Variants in PPP2R3C observed in about 807,000 individuals in gnomAD.
PPP2R3C encodes protein phosphatase 2 regulatory subunit B''gamma, also known as serine/threonine-protein phosphatase 2A regulatory subunit B'' subunit gamma.
In PPP2R3C, 47 loss-of-function variants were observed where a neutral mutation model predicts 63.7. The observed-to-expected ratio is 0.74, with a 90% CI of 0.58 to 0.94. The LOEUF is 0.94. Among genes scored for constraint, PPP2R3C ranks in the 40% least tolerant of loss-of-function variants. The pLI is 0.00. For synonymous variants in PPP2R3C, 180 were observed against 177.4 expected (o/e 1.01, Z -0.12); for missense variants, 421 against 518.4 (o/e 0.81, Z 1.82).
chr14:35,089,842 AT>A (rs967709098), intron 11 of PPP2R3C, among the ~76,000 whole-genome samples: 2 of 78,116 alleles, frequency 2.6e-5, no homozygotes, highest in African/African-American at 1.0e-4. Flanking sequence ...ATTTTTTTGC[AT>A]TTTTAGTAGA....
At chr14:35,099,410 T>C (rs777872422) in intron 6 of PPP2R3C, 26 bp from the exon 7 acceptor site, 1 of 1,583,408 alleles carries the variant, frequency 6.3e-7, no homozygotes, top group Non-Finnish European at 8.5e-7. Flanking sequence ...AATAAAGTGT[T>C]AAATGTCCAG....
At chr14:35,099,498 C>T in intron 6 of PPP2R3C, 114 bp from the exon 7 acceptor site, 1 of 1,252,060 alleles carries the variant, frequency 8.0e-7, no homozygotes, top group Non-Finnish European at 1.1e-6. Context: ...GAAATAAATG[C>T]ATGACTATTT....
chr14:35,087,234 TGTA>T (rs2045634882), intron 12 of PPP2R3C: 1 of 152,176 alleles, frequency 6.6e-6, no homozygotes, highest in Non-Finnish European at 1.5e-5. Context: ...CTAATCTTTT[TGTA>T]GTAAAATAAC....
At chr14:35,110,375 G>T in intron 3 of PPP2R3C, 150 bp downstream of exon 3, 1 of 564,056 alleles carries the variant, frequency 1.8e-6, no homozygotes, top group Non-Finnish European at 3.1e-6. Flanking sequence ...CAAACTCAGC[G>T]GCTGCTTCTG....
chr14:35,099,051 A>G, intron 7 of PPP2R3C: 1 of 616,046 alleles, frequency 1.6e-6, no homozygotes, highest in Non-Finnish European at 2.5e-6. Flanking sequence ...CAGTGCAAGT[A>G]AATCATAAAA....
intron 10 of PPP2R3C, among the ~76,000 whole-genome samples, chr14:35,092,777 A>G (rs1037527344): frequency 5.9e-5 from 9 of 152,142 alleles, no homozygotes; most frequent in Non-Finnish European, 1.2e-4. Context: ...TCAGAACAGT[A>G]TATTTAAATT....
chr14:35,121,825 C>T, intron 1 of PPP2R3C, 77 bp downstream of exon 1: 3 of 1,526,194 alleles, frequency 2.0e-6, no homozygotes, highest in Non-Finnish European at 2.7e-6. Context: ...CCCCCTTGCT[C>T]CTCCTCCCCA....
chr14:35,107,886 C>T (rs1229447194), intron 5 of PPP2R3C: 1 of 435,012 alleles, frequency 2.3e-6, no homozygotes, highest in Non-Finnish European at 4.0e-6. Context: ...TTTCAAATTA[C>T]CATACATTAA....
chr14:35,118,190 T>A (rs1454092324), intron 1 of PPP2R3C, among the ~76,000 whole-genome samples: 1 of 152,138 alleles, frequency 6.6e-6, no homozygotes, highest in Non-Finnish European at 1.5e-5. Context: ...AACCAACAAC[T>A]GTTTTAACAA....
chr14:35,118,031 G>A (rs528038319), intron 1 of PPP2R3C, among the ~76,000 whole-genome samples: 6 of 152,182 alleles, frequency 3.9e-5, no homozygotes, highest in African/African-American at 1.4e-4. Context: ...AAACCTATAA[G>A]TTAATTTCTT....
intron 1 of PPP2R3C, among the ~76,000 whole-genome samples, chr14:35,117,348 C>T (rs1420759138): frequency 6.6e-6 from 1 of 152,206 alleles, no homozygotes; most frequent in Non-Finnish European, 1.5e-5. Flanking sequence ...TTCACAAGGT[C>T]CTGCAATCAT....
chr14:35,092,508 C>G (rs2045854428), intron 10 of PPP2R3C, among the ~76,000 whole-genome samples: 1 of 151,976 alleles, frequency 6.6e-6, no homozygotes, highest in African/African-American at 2.4e-5. Flanking sequence ...CTCTTGTTGC[C>G]CAGGCTGGAG....
intron 12 of PPP2R3C, chr14:35,087,662 C>T (rs908932676): frequency 1.9e-5 from 6 of 315,752 alleles, no homozygotes; most frequent in East Asian, 7.4e-5. Flanking sequence ...AGCCTCCCAA[C>T]GTGCTGGGAT....
At chr14:35,110,354 C>T (rs2046510581) in intron 3 of PPP2R3C, 171 bp downstream of exon 3, 1 of 559,758 alleles carries the variant, frequency 1.8e-6, no homozygotes, top group Non-Finnish European at 3.1e-6. Context: ...GTTTGGGGTA[C>T]ATGACCCATG....
chr14:35,116,339 T>C (rs2046709284), intron 2 of PPP2R3C, among the ~76,000 whole-genome samples: 1 of 151,930 alleles, frequency 6.6e-6, no homozygotes, highest in Admixed American at 6.6e-5. Context: ...GCTGCCTCGA[T>C]CTCCTGGGCT....
intron 1 of PPP2R3C, among the ~76,000 whole-genome samples, chr14:35,118,674 GAGACTGAGTCTCACTGTCAC>G (rs2046774195): frequency 2.9e-5 from 1 of 34,428 alleles, no homozygotes; most frequent in East Asian, 9.0e-4. Flanking sequence ...TTTTTTTTCC[GAGACTGAGTCTCACTGTCAC>G]CCAGGCTGGA....
At chr14:35,096,328 A>T (rs1371113126) in intron 9 of PPP2R3C, among the ~76,000 whole-genome samples, 1 of 152,224 alleles carries the variant, frequency 6.6e-6, no homozygotes, top group Non-Finnish European at 1.5e-5. Context: ...CACTCCAGCC[A>T]GTGTGACAGA....
At chr14:35,118,753 A>C (rs558991954) in intron 1 of PPP2R3C, among the ~76,000 whole-genome samples, 1 of 147,540 alleles carries the variant, frequency 6.8e-6, no homozygotes, top group Admixed American at 6.9e-5. Context: ...TCCTGGGTTG[A>C]AGTGATTCTC....
intron 10 of PPP2R3C, 68 bp from the exon 11 acceptor site, chr14:35,091,275 G>T: frequency 7.2e-7 from 1 of 1,396,034 alleles, no homozygotes; most frequent in Non-Finnish European, 9.6e-7. Context: ...AATATCTTAT[G>T]ATTTGAAGCT....
Sources: allele counts gnomAD v4.1 joint callset (sites outside exome capture counted in the v4.1 genomes callset), GRCh38; gene constraint gnomAD v4.1.1; transcripts MANE v1.5; gene names NCBI Gene and HGNC (gene_info 2026-07-23, HGNC 2026-07-21).